KLF9: variants seen among roughly 807,000 people sequenced by gnomAD.
KLF9 encodes the protein Krueppel-like factor 9.
In KLF9, 2 loss-of-function variants were observed where a neutral mutation model predicts 17.3. The ratio of observed to expected loss-of-function variants is 0.12; its 90% CI spans 0.05 to 0.36. The LOEUF (loss-of-function observed/expected upper bound fraction) is 0.36, where lower values mean the gene tolerates loss of function less well. KLF9 is among the 10% of genes least tolerant of loss of function. The pLI is 1.00. For missense variants in KLF9, 226 were observed against 333.2 expected (o/e 0.68, Z 2.51); for synonymous variants, 138 against 139.2 (o/e 0.99, Z 0.06).
chr9:70,393,757 C>A (rs565201813), intron 1 of KLF9, among the ~76,000 whole-genome samples: 1 of 152,146 alleles, frequency 6.6e-6, no homozygotes, highest in African/African-American at 2.4e-5. Flanking sequence ...AAAATCAAGA[C>A]TTCTTCTAGA....
chr9:70,400,951 C>A (rs111749333), intron 1 of KLF9, among the ~76,000 whole-genome samples: 1,702 of 152,146 alleles, frequency 0.011, 28 homozygotes, highest in Non-Finnish European at 0.014. Flanking sequence ...CCCCTGAGAT[C>A]TCAGAAAAGG....
Position 70,386,095 on chromosome 9 carries a change from C to T in KLF9, c.*1681G>A, listed in dbSNP as rs1053650684. On this transcript the variant is annotated 3_prime_UTR_variant, in exon 2 of 2. Transcript: ENST00000377126. ...CACCCTATGTTTACACATTTCAGAG[C>T]GCAAGTATAAACTAGAGTGCACCAT... is the stretch of plus-strand genomic sequence containing the variant. The T allele has an allele frequency of 3.9e-5, 6 of 152,266 alleles. No individual in the cohort carries two copies. The highest frequency in any genetic ancestry group is 1.3e-4 in the Admixed American group (2 of 15,236). 9.4% of individuals were successfully genotyped at this position (152,266 alleles called of 1,614,324 possible).
chr9:70,405,369 C>T (rs1250155455), intron 1 of KLF9, among the ~76,000 whole-genome samples: 3 of 152,270 alleles, frequency 2.0e-5, no homozygotes, highest in South Asian at 2.1e-4. Flanking sequence ...CTTAAGCTCC[C>T]GTCTCTTACT....
intron 1 of KLF9, among the ~76,000 whole-genome samples, chr9:70,390,155 A>T (rs1409866882): frequency 6.6e-6 from 1 of 152,248 alleles, no homozygotes; most frequent in East Asian, 1.9e-4. Context: ...TAAGCAGAGC[A>T]ATAGTCATAA....
In KLF9 at chr9:70,413,290, G is replaced by C. The variant is rs751778981; in HGVS notation, c.74C>G (p.Pro25Arg). 6.2e-7 allele frequency: 1 copy of C among 1,611,770 alleles called. No individual in the cohort carries two copies. The highest frequency in any genetic ancestry group is 8.5e-7 in the Non-Finnish European group (1 of 1,179,424). ...LVSISNRAAV[P>R]EHGVAPDAER... ...GGCGTCCGGAGCGACCCCATGCTCCGGCACCGCAGCGCGGTTCGAAATGGA... is the reference window on the plus strand; with the variant it reads ...GGCGTCCGGAGCGACCCCATGCTCCCGCACCGCAGCGCGGTTCGAAATGGA... The change falls in exon 1 of 2, where the codon CCG becomes CGG. Residue 25 changes from proline to arginine, a missense_variant. Pro to Arg is a moderately radical substitution (Grantham distance 103, BLOSUM62 -2). Transcript: ENST00000377126. The surrounding 1 kb of genome is among the most constrained non-coding windows in gnomAD (Gnocchi z 5.6).
intron 1 of KLF9, among the ~76,000 whole-genome samples, chr9:70,397,441 C>G (rs1219380919): frequency 1.3e-5 from 2 of 151,916 alleles, no homozygotes; most frequent in Non-Finnish European, 2.9e-5. Context: ...CACCACTGCA[C>G]TCCAGCCTGG....
chr9:70,397,567 A>G (rs1366946531), intron 1 of KLF9, among the ~76,000 whole-genome samples: 1 of 151,942 alleles, frequency 6.6e-6, no homozygotes, highest in Non-Finnish European at 1.5e-5. Flanking sequence ...TACTTTTTCC[A>G]TATGTGAAAG....
Position 70,413,401 on chromosome 9 carries a change from T to C in KLF9, c.-38A>G. 2 of 1,456,368 alleles carry C rather than the reference T, an allele frequency of 1.4e-6. No individual in the cohort carries two copies. The highest frequency in any genetic ancestry group is 2.8e-5 in the South Asian group (2 of 72,660). 90.2% of individuals were successfully genotyped at this position (1,456,368 alleles called of 1,614,324 possible). A position where few individuals can be genotyped will look rare whatever the true frequency, so the allele number is the denominator to read the frequency against. On this transcript the variant is annotated 5_prime_UTR_variant, in exon 1 of 2. Transcript: ENST00000377126. This position sits in a 1 kb window ranked among gnomAD's most constrained non-coding sequence, Gnocchi z 5.6. ...GGCAGCCCAGGCGGCGCGGACAAAC[T>C]TGGCGGTGGCTGCGGAGGTTCGGCT...
chr9:70,411,433 C>A (rs971989481), intron 1 of KLF9, among the ~76,000 whole-genome samples: 2 of 152,182 alleles, frequency 1.3e-5, no homozygotes, highest in Non-Finnish European at 2.9e-5. Context: ...CAGGCACATG[C>A]CTTTCAGCAA....
At chr9:70,409,198 A>ATG (rs1201368247) in intron 1 of KLF9, among the ~76,000 whole-genome samples, 1 of 51,504 alleles carries the variant, frequency 1.9e-5, no homozygotes, top group East Asian at 2.9e-4. Context: ...ATACATGTAT[A>ATG]TGTATATATA....
chr9:70,386,291 G>A lies in KLF9; in HGVS notation c.*1485C>T, dbSNP rs773649752. On this transcript the variant is annotated 3_prime_UTR_variant, in exon 2 of 2. Coordinates refer to ENST00000377126, the MANE Select transcript of KLF9 (RefSeq NM_001206.4). ...CATAAAGGCCACAGTTAAGTTTTCAGGTAAATGGCATAGATGGATGTAGTG... is the reference window on the plus strand; with the variant it reads ...CATAAAGGCCACAGTTAAGTTTTCAAGTAAATGGCATAGATGGATGTAGTG... The A allele has an allele frequency of 1.3e-5, 2 of 152,666 alleles. No homozygotes were observed. The highest frequency in any genetic ancestry group is 2.9e-5 in the Non-Finnish European group (2 of 68,038). 9.5% of individuals were successfully genotyped at this position (152,666 alleles called of 1,614,324 possible).
intron 1 of KLF9, among the ~76,000 whole-genome samples, chr9:70,396,807 A>G (rs1400690881): frequency 1.3e-5 from 2 of 152,182 alleles, no homozygotes; most frequent in African/African-American, 4.8e-5. Flanking sequence ...AGAAAAAGTT[A>G]TTTTAATATT....
chr9:70,396,872 A>G (rs1369197733), intron 1 of KLF9, among the ~76,000 whole-genome samples: 1 of 152,048 alleles, frequency 6.6e-6, no homozygotes, highest in East Asian at 1.9e-4. Context: ...CATTCCACAA[A>G]TGGCTTGATC....
chr9:70,387,707 G>C lies in KLF9; in HGVS notation c.*69C>G. 7.3e-7 allele frequency: 1 copy of C among 1,370,632 alleles called. No individual in the cohort carries two copies. The allele number at this position is 1,370,632 out of a possible 1,614,324, so 84.9% of individuals were successfully genotyped here. ...GCCTCTTCTGGGGCTCAGTTTTCACGCGTCTGTTTCCTGGGAGTACTTTTC... is the reference window on the plus strand; with the variant it reads ...GCCTCTTCTGGGGCTCAGTTTTCACCCGTCTGTTTCCTGGGAGTACTTTTC... On this transcript the variant is annotated 3_prime_UTR_variant, in exon 2 of 2. Transcript: ENST00000377126.
In KLF9 at chr9:70,413,748, T is replaced by G. The variant is rs377280871; in HGVS notation, c.-385A>C. Reference sequence around the variant, plus strand: ...TCGACTGAAAACGCCCCCGAGGCGCTGGGAGAGGAAACTGCAAGAGAGGTG... The same window carrying G: ...TCGACTGAAAACGCCCCCGAGGCGCGGGGAGAGGAAACTGCAAGAGAGGTG... On this transcript the variant is annotated 5_prime_UTR_variant, in exon 1 of 2. Coordinates refer to ENST00000377126, the MANE Select transcript of KLF9 (RefSeq NM_001206.4). The surrounding 1 kb of genome is among the most constrained non-coding windows in gnomAD (Gnocchi z 5.6). The G allele has an allele frequency of 2.7e-4, 41 of 152,724 alleles. No homozygotes were observed. The South Asian group carries it at 8.3e-3, about 31-fold the overall frequency. 9.5% of individuals were successfully genotyped at this position (152,724 alleles called of 1,614,324 possible).
intron 1 of KLF9, among the ~76,000 whole-genome samples, chr9:70,391,694 A>C (rs1180075870): frequency 6.6e-6 from 1 of 152,222 alleles, no homozygotes; most frequent in Admixed American, 6.5e-5. Context: ...AGTGATCTAA[A>C]TCAGGGGCTA....
At chr9:70,406,233 A>G (rs1193006816) in intron 1 of KLF9, among the ~76,000 whole-genome samples, 1 of 152,186 alleles carries the variant, frequency 6.6e-6, no homozygotes, top group East Asian at 1.9e-4. Flanking sequence ...TTCTGCTGAC[A>G]AATGCTTCCA....
chr9:70,409,872 T>G (rs1420728638), intron 1 of KLF9, among the ~76,000 whole-genome samples: 2 of 152,208 alleles, frequency 1.3e-5, no homozygotes, highest in Non-Finnish European at 2.9e-5. Flanking sequence ...AACATACTGC[T>G]TAAAAATAAG....
In KLF9 at chr9:70,409,205, T is replaced by C. The variant is rs572358196; in HGVS notation, c.505+3654A>G. ...GTATACATATACATGTATATGTATA[T>C]ATATATACATATATGTATATATATA... On this transcript the variant is annotated intron_variant, in intron 1 of 1. Coordinates refer to ENST00000377126, the MANE Select transcript of KLF9 (RefSeq NM_001206.4). 8.0e-3 allele frequency among the ~76,000 whole-genome samples: 1,055 copies of C among 132,156 alleles called. 76 individuals are homozygous for C. The highest frequency in any genetic ancestry group is 0.013 in the Non-Finnish European group (780 of 62,194). The allele number at this position is 132,156 out of a possible 152,430, so 86.7% of individuals were successfully genotyped here.
Sources: gnomAD v4.1 joint callset for allele counts (sites outside exome capture counted in the v4.1 genomes callset) on GRCh38, gnomAD v4.1.1 for gene constraint, Gnocchi (gnomAD v3.1) non-coding constraint, MANE v1.5 for transcripts, NCBI Gene and HGNC (gene_info 2026-07-23, HGNC 2026-07-21) for gene names.